The following NMNAT2 variants were observed in gnomAD, a reference collection of about 807,000 sequenced individuals.
NMNAT2 encodes nicotinamide/nicotinic acid mononucleotide adenylyltransferase 2.
Under a neutral mutation model 41.6 loss-of-function variants are expected in NMNAT2, and 11 were observed. That is an observed-to-expected ratio of 0.26 (90% CI 0.17 to 0.44). NMNAT2 has a LOEUF of 0.44. Ranked by LOEUF, NMNAT2 falls within the 20% of genes least tolerant of loss-of-function variation. The pLI, the probability that NMNAT2 is intolerant of heterozygous loss-of-function variation, is 1.00. For missense variants in NMNAT2, 288 were observed against 407.7 expected, an observed-to-expected ratio of 0.71 and a Z score of 2.53; for synonymous variants, 148 against 151.2, an observed-to-expected ratio of 0.98 and a Z score of 0.16.
At chr1:183,358,674 A>G (rs969000245) in intron 1 of NMNAT2, among the ~76,000 whole-genome samples, 10 of 152,160 alleles carry the variant, frequency 6.6e-5, no homozygotes, top group African/African-American at 2.2e-4. Context: ...TTGCCTCATC[A>G]CTTTTTTCCC....
chr1:183,391,860 G>A (rs1186388058), intron 1 of NMNAT2, among the ~76,000 whole-genome samples: 1 of 152,048 alleles, frequency 6.6e-6, no homozygotes, highest in Non-Finnish European at 1.5e-5. Flanking sequence ...TGACTTCCAG[G>A]GCATCACTGT....
chr1:183,364,428 A>G (rs2102361358), intron 1 of NMNAT2, among the ~76,000 whole-genome samples: 1 of 152,340 alleles, frequency 6.6e-6, no homozygotes, highest in South Asian at 2.1e-4. Context: ...ACTAGAAGGG[A>G]GGAGTGAAAA....
rs1027303893 is a variant in NMNAT2, at chr1:183,248,615, G to A, written c.*4026C>T. The A allele has an allele frequency of 6.6e-6, 1 of 152,162 alleles. No homozygotes were observed. Among genetic ancestry groups the A allele is most frequent in the African/African-American group, 2.4e-5 (1 of 41,416 alleles). The allele number at this position is 152,162 out of a possible 1,614,324, so 9.4% of individuals were successfully genotyped here. A position where few individuals can be genotyped will look rare whatever the true frequency, so the allele number is the denominator to read the frequency against. ...CTACAAAGAGACCACATGAACAGTC[G>A]AGTGTGCTGGGCAGCTATAAGATGG... is the stretch of plus-strand genomic sequence containing the variant. On this transcript the variant is annotated 3_prime_UTR_variant, in exon 11 of 11. Transcript: ENST00000287713.
intron 1 of NMNAT2, among the ~76,000 whole-genome samples, chr1:183,343,792 A>C (rs1662868246): frequency 6.6e-6 from 1 of 152,166 alleles, no homozygotes; most frequent in South Asian, 2.1e-4. Context: ...CTCCTTTTAA[A>C]TATTCCAGTG....
intron 1 of NMNAT2, among the ~76,000 whole-genome samples, chr1:183,328,174 C>T (rs1452632480): frequency 6.6e-6 from 1 of 152,084 alleles, no homozygotes; most frequent in Non-Finnish European, 1.5e-5. Context: ...GTTGGCAGGT[C>T]CCTGAAAACT....
intron 1 of NMNAT2, among the ~76,000 whole-genome samples, chr1:183,380,239 C>T (rs1261859416): frequency 6.6e-6 from 1 of 152,182 alleles, no homozygotes; most frequent in Non-Finnish European, 1.5e-5. Context: ...TCCATGGAAA[C>T]TTATGGCATG....
In NMNAT2 at chr1:183,284,751, A is replaced by T; in HGVS notation, c.488T>A (p.Ile163Asn). The change falls in exon 6 of 11, where the codon ATC becomes AAC. Residue 163 changes from isoleucine to asparagine, a missense_variant. Coordinates refer to ENST00000287713, the MANE Select transcript of NMNAT2 (RefSeq NM_015039.4). ...CTCCACCGGCGGGCGGACACAGCAG[A>T]TCCGGCTGAGGCTTTCTCCCACCTT... ...LGKVGESLSR[I>N]CCVRPPVERF... is the part of the protein sequence containing the mutation. 6.2e-7 allele frequency: 1 copy of T among 1,614,122 alleles called. No individual in the cohort carries two copies.
At chr1:183,262,434 A>C (rs1212238342) in intron 8 of NMNAT2, among the ~76,000 whole-genome samples, 1 of 152,212 alleles carries the variant, frequency 6.6e-6, no homozygotes. Flanking sequence ...ATTAAATTAT[A>C]AAATTAGTCA....
rs186196295 is a variant in NMNAT2 at position 183,406,879 on chromosome 1, C to A, written c.85+11304G>T. Among the ~76,000 whole-genome samples the A allele has an allele frequency of 3.4e-3, 456 of 133,402 alleles. 1 individual carries two copies. Among genetic ancestry groups the A allele is most frequent in the African/African-American group, 0.013 (435 of 34,554 alleles). 87.5% of individuals were successfully genotyped at this position (133,402 alleles called of 152,430 possible). A position where few individuals can be genotyped will look rare whatever the true frequency, so the allele number is the denominator to read the frequency against. ...TGTTACCCAGGCTGGAGTGCAGTGGCGAGATCTCAGCTCACTGCAACCTCC... is the reference window on the plus strand; with the variant it reads ...TGTTACCCAGGCTGGAGTGCAGTGGAGAGATCTCAGCTCACTGCAACCTCC... On this transcript the variant is annotated intron_variant, in intron 1 of 10. Transcript: ENST00000287713.
intron 1 of NMNAT2, among the ~76,000 whole-genome samples, chr1:183,368,320 C>T (rs999188226): frequency 1.3e-5 from 2 of 152,076 alleles, no homozygotes; most frequent in Non-Finnish European, 2.9e-5. Context: ...GAATTAAGGG[C>T]AACATCATGG....
intron 1 of NMNAT2, among the ~76,000 whole-genome samples, chr1:183,347,915 C>A (rs1300661878): frequency 1.3e-5 from 2 of 152,096 alleles, no homozygotes; most frequent in Non-Finnish European, 2.9e-5. Flanking sequence ...AACTCAGTTC[C>A]CTTCAATGAC....
chr1:183,297,874 A>G lies in NMNAT2; in HGVS notation c.86-4081T>C, dbSNP rs116884839. Among the ~76,000 whole-genome samples the G allele has an allele frequency of 1.2e-3, 186 of 152,360 alleles. 1 individual carries two copies. In the East Asian group the frequency reaches 0.033, roughly 27 times the overall value. ...ATTATACACTGTGACTAAGTGGTGT[A>G]TATTCCAGGGATACAAGGCTGTTTT... On this transcript the variant is annotated intron_variant, in intron 1 of 10. Coordinates refer to ENST00000287713, the MANE Select transcript of NMNAT2 (RefSeq NM_015039.4).
rs909342309 is a variant in NMNAT2 at position 183,293,570 on chromosome 1, G to A, written c.174+135C>T. On this transcript the variant is annotated intron_variant, in intron 2 of 10. Coordinates refer to ENST00000287713, the MANE Select transcript of NMNAT2 (RefSeq NM_015039.4). ...TCCTGAGATGGGAAGCAGGATAGAC[G>A]CATGGACCTGGGCATTTTGTGTTTC... The A allele has an allele frequency of 1.2e-4, 86 of 694,306 alleles. No individual in the cohort carries two copies. The East Asian group carries it at 1.9e-3, about 16-fold the overall frequency. The allele number at this position is 694,306 out of a possible 1,614,324, so 43.0% of individuals were successfully genotyped here.
intron 1 of NMNAT2, among the ~76,000 whole-genome samples, chr1:183,355,593 A>T (rs538855947): frequency 6.6e-6 from 1 of 152,244 alleles, no homozygotes; most frequent in African/African-American, 2.4e-5. Flanking sequence ...CACAGAGCAG[A>T]CACTTAATAA....
chr1:183,253,978 A>C (rs560712509), intron 10 of NMNAT2, among the ~76,000 whole-genome samples: 55 of 151,434 alleles, frequency 3.6e-4, no homozygotes, highest in African/African-American at 1.3e-3. Context: ...TTCTTTATCT[A>C]TTCATCCATT....
chr1:183,408,476 G>A (rs1446766969), intron 1 of NMNAT2, among the ~76,000 whole-genome samples: 2 of 151,938 alleles, frequency 1.3e-5, no homozygotes, highest in Admixed American at 6.6e-5. Flanking sequence ...TTAAAAAATC[G>A]GGTAGCTGTC....
At chr1:183,337,246 G>T (rs1258075105) in intron 1 of NMNAT2, among the ~76,000 whole-genome samples, 1 of 151,980 alleles carries the variant, frequency 6.6e-6, no homozygotes, top group East Asian at 1.9e-4. Flanking sequence ...CAATAAGAGA[G>T]AAAGAATGAC....
chr1:183,378,305 A>C (rs1663721908), intron 1 of NMNAT2, among the ~76,000 whole-genome samples: 1 of 152,082 alleles, frequency 6.6e-6, no homozygotes, highest in African/African-American at 2.4e-5. Context: ...GAGGTAGGAT[A>C]ATCGCTTAAA....
intron 1 of NMNAT2, among the ~76,000 whole-genome samples, chr1:183,303,020 C>A (rs953850232): frequency 6.6e-6 from 1 of 150,744 alleles, no homozygotes; most frequent in African/African-American, 2.4e-5. Context: ...AATAGTAAAA[C>A]CTCAATTTTA....
Sources: gnomAD v4.1 joint callset for allele counts (sites outside exome capture counted in the v4.1 genomes callset) on GRCh38, gnomAD v4.1.1 for gene constraint, MANE v1.5 for transcripts, NCBI Gene and HGNC (gene_info 2026-07-23, HGNC 2026-07-21) for gene names.